ATP8B4: variants seen among roughly 807,000 people sequenced by gnomAD.
The protein encoded by ATP8B4 is probable phospholipid-transporting ATPase IM.
A neutral mutation model predicts 145.6 loss-of-function variants in ATP8B4; 133 were observed. The observed-to-expected ratio is 0.91, with a 90% confidence interval of 0.79 to 1.05. The LOEUF (loss-of-function observed/expected upper bound fraction) is 1.05, where lower values mean the gene tolerates loss of function less well. Ranked by LOEUF, ATP8B4 falls within the 50% of genes least tolerant of loss-of-function variation. The probability of loss-of-function intolerance (pLI) is 0.00; values close to 1 mark genes in which losing one functional copy is unlikely to be tolerated. For missense variants in ATP8B4, 1,458 were observed against 1,425.2 expected (o/e 1.02, Z -0.37); for synonymous variants, 507 against 492.9 (o/e 1.03, Z -0.38).
chr15:50,074,574 C>T (rs1400959592), intron 2 of ATP8B4, among the ~76,000 whole-genome samples: 1 of 152,140 alleles, frequency 6.6e-6, no homozygotes, highest in Non-Finnish European at 1.5e-5. Flanking sequence ...CAAAATATAA[C>T]ATAGCCAAAA....
At chr15:50,032,961 CA>C (rs1358747087) in intron 6 of ATP8B4, among the ~76,000 whole-genome samples, 2 of 152,054 alleles carry the variant, frequency 1.3e-5, no homozygotes, top group African/African-American at 4.8e-5. Flanking sequence ...AAATATACAA[CA>C]AAGAAAAAAT....
At chr15:49,872,118 C>T (rs933348234) in intron 25 of ATP8B4, among the ~76,000 whole-genome samples, 4 of 152,144 alleles carry the variant, frequency 2.6e-5, no homozygotes, top group African/African-American at 9.7e-5. Context: ...CTACCCAAAG[C>T]CCAGTAATAA....
chr15:49,897,488 C>T lies in ATP8B4; in HGVS notation c.2501G>A (p.Gly834Asp). The T allele has an allele frequency of 2.5e-6, 4 of 1,571,914 alleles. No homozygotes were observed. Among genetic ancestry groups the T allele is most frequent in the Non-Finnish European group, 3.5e-6 (4 of 1,157,924 alleles). Residue 834 changes from glycine to aspartate, a missense_variant, in exon 23 of 28, where the codon GGC becomes GAC. Transcript: ENST00000284509. The stretch of plus-strand genomic sequence containing the variant: ...TAAGACTGCTTGCAATCCTTCCTGG[C>T]CGCTGATGCCAACACCAATGTGAGC... Reference protein sequence around the residue: ...KSAHIGVGISGQEGLQAVLAS... With the variant: ...KSAHIGVGISDQEGLQAVLAS...
At chr15:50,177,692 A>G (rs1449979870) in intron 1 of ATP8B4, among the ~76,000 whole-genome samples, 1 of 152,210 alleles carries the variant, frequency 6.6e-6, no homozygotes, top group Non-Finnish European at 1.5e-5. Flanking sequence ...CAATGGACTA[A>G]ATCAGTAGTT....
intron 1 of ATP8B4, among the ~76,000 whole-genome samples, chr15:50,163,554 C>G (rs1254852085): frequency 1.3e-5 from 2 of 152,338 alleles, no homozygotes. Context: ...GTGGCCACCA[C>G]CACAGAGACT....
intron 1 of ATP8B4, among the ~76,000 whole-genome samples, chr15:50,138,371 T>TAGGC (rs1239148639): frequency 9.0e-6 from 1 of 111,050 alleles, no homozygotes; most frequent in African/African-American, 3.0e-5. Context: ...GATAGATAGA[T>TAGGC]AGGCAGTCCA....
At chr15:49,885,104 C>G (rs1263441818) in intron 23 of ATP8B4, among the ~76,000 whole-genome samples, 1 of 152,188 alleles carries the variant, frequency 6.6e-6, no homozygotes, top group Non-Finnish European at 1.5e-5. Context: ...GTCCTAAGAG[C>G]CCTTCCTGGT....
rs1490332642 is a variant in ATP8B4 at position 50,158,194 on chromosome 15, G to A, written c.-43+24067C>T. ...GCCGCCACCCCGTCTGGGAAGTGAG[G>A]AGCGTCTCTGCCTGGCCGCCCATCG... On this transcript the variant is annotated intron_variant, in intron 1 of 3. Coordinates refer to the ATP8B4 transcript ENST00000558829. Among the ~76,000 whole-genome samples the A allele has an allele frequency of 5.5e-4, 83 of 152,272 alleles. 1 individual carries two copies. The highest frequency in any genetic ancestry group is 5.3e-3 in the Admixed American group (81 of 15,302).
chr15:49,875,562 C>A (rs1037093290), intron 25 of ATP8B4, among the ~76,000 whole-genome samples: 1 of 152,186 alleles, frequency 6.6e-6, no homozygotes, highest in Non-Finnish European at 1.5e-5. Flanking sequence ...TAACTATGTG[C>A]GGTGATGCAT....
intron 15 of ATP8B4, 36 bp from the exon 16 acceptor site, chr15:49,931,343 T>TAAC: frequency 6.4e-7 from 1 of 1,570,216 alleles, no homozygotes; most frequent in South Asian, 1.1e-5. Context: ...CAATACTGAC[T>TAAC]AACAGCTAAC....
chr15:50,157,657 T>C (rs2044439872), intron 1 of ATP8B4, among the ~76,000 whole-genome samples: 1 of 152,216 alleles, frequency 6.6e-6, no homozygotes, highest in Non-Finnish European at 1.5e-5. Context: ...AGAATATCAT[T>C]GGTATTTTGA....
intron 1 of ATP8B4, among the ~76,000 whole-genome samples, chr15:50,154,043 C>T (rs898036429): frequency 6.6e-6 from 1 of 152,100 alleles, no homozygotes; most frequent in Non-Finnish European, 1.5e-5. Context: ...TAAATAATTC[C>T]CTTCTAATCA....
chr15:50,151,740 CAAAAAAAA>C (rs58413585), intron 1 of ATP8B4, among the ~76,000 whole-genome samples: 1 of 91,780 alleles, frequency 1.1e-5, no homozygotes, highest in Non-Finnish European at 2.1e-5. Context: ...GAACCTGTCT[CAAAAAAAA>C]AAAAAAAAAA....
intron 8 of ATP8B4, among the ~76,000 whole-genome samples, chr15:49,997,448 C>A (rs2047519762): frequency 6.6e-6 from 1 of 152,068 alleles, no homozygotes; most frequent in South Asian, 2.1e-4. Context: ...CTGAATTCAG[C>A]CTAATTCTCT....
intron 14 of ATP8B4, among the ~76,000 whole-genome samples, chr15:49,950,602 ACAAACAAACAAAC>A (rs770325149): frequency 1.7e-5 from 2 of 115,934 alleles, no homozygotes; most frequent in African/African-American, 3.3e-5. Flanking sequence ...AAAAAAAAAA[ACAAACAAACAAAC>A]AAACAAAAAA....
chr15:49,996,236 G>A (rs759874742), intron 9 of ATP8B4, among the ~76,000 whole-genome samples: 23 of 152,030 alleles, frequency 1.5e-4, no homozygotes, highest in Non-Finnish European at 3.2e-4. Flanking sequence ...GCCGTGCAAG[G>A]TACTGAAATA....
At chr15:49,863,480 T>A (rs957599600) in intron 26 of ATP8B4, among the ~76,000 whole-genome samples, 6 of 152,298 alleles carry the variant, frequency 3.9e-5, no homozygotes, top group Admixed American at 3.9e-4. Flanking sequence ...CAAAATAAAC[T>A]TTTGTCCCTG....
intron 16 of ATP8B4, among the ~76,000 whole-genome samples, chr15:49,925,235 A>G (rs2040610059): frequency 6.7e-6 from 1 of 148,510 alleles, no homozygotes; most frequent in African/African-American, 2.4e-5. Flanking sequence ...TAACATTTCT[A>G]TAAAAAAACT....
chr15:50,146,642 A>G (rs1277702477), intron 1 of ATP8B4, among the ~76,000 whole-genome samples: 1 of 152,204 alleles, frequency 6.6e-6, no homozygotes, highest in Non-Finnish European at 1.5e-5. Flanking sequence ...GTGTTGCAGG[A>G]CTTTTCCTTA....
Sources: gnomAD v4.1 joint callset for allele counts (sites outside exome capture counted in the v4.1 genomes callset) on GRCh38, gnomAD v4.1.1 for gene constraint, MANE v1.5 for transcripts, NCBI Gene and HGNC (gene_info 2026-07-23, HGNC 2026-07-21) for gene names.